Variants in CREB3L2 observed in about 807,000 individuals in gnomAD.
The protein encoded by CREB3L2 is cyclic AMP-responsive element-binding protein 3-like protein 2.
In CREB3L2, 23 loss-of-function variants were observed where a neutral mutation model predicts 57.2. That is an observed-to-expected ratio of 0.40 (90% CI 0.29 to 0.57). The LOEUF is 0.57. Ranked by LOEUF, CREB3L2 falls within the 20% of genes least tolerant of loss-of-function variation. The probability of loss-of-function intolerance (pLI) is 0.42; values close to 1 mark genes in which losing one functional copy is unlikely to be tolerated. For synonymous variants in CREB3L2, 268 were observed against 265.1 expected (o/e 1.01, Z -0.11); for missense variants, 628 against 634.7 (o/e 0.99, Z 0.11).
At chr7:137,916,232 A>C (rs995005640) in intron 2 of CREB3L2, among the ~76,000 whole-genome samples, 1 of 152,126 alleles carries the variant, frequency 6.6e-6, no homozygotes, top group Non-Finnish European at 1.5e-5. Flanking sequence ...GCCTAAAGAA[A>C]CTCTGGAAGG....
intron 1 of CREB3L2, among the ~76,000 whole-genome samples, chr7:137,959,792 C>A (rs1801286769): frequency 6.6e-6 from 1 of 152,174 alleles, no homozygotes; most frequent in Non-Finnish European, 1.5e-5. Context: ...GCATCCTTTG[C>A]CATCCGGCGA....
intron 1 of CREB3L2, among the ~76,000 whole-genome samples, chr7:137,944,194 C>T (rs1563261541): frequency 1.3e-5 from 2 of 152,068 alleles, no homozygotes; most frequent in Non-Finnish European, 2.9e-5. Context: ...AGATTTTTGC[C>T]ACCGGGAGCC....
At chr7:137,986,897 T>A (rs1801801723) in intron 1 of CREB3L2, among the ~76,000 whole-genome samples, 1 of 152,218 alleles carries the variant, frequency 6.6e-6, no homozygotes, top group African/African-American at 2.4e-5. Context: ...CAAGAAAACG[T>A]GTCTGTGAAG....
At chr7:137,986,718 T>G (rs537721121) in intron 1 of CREB3L2, among the ~76,000 whole-genome samples, 1 of 152,290 alleles carries the variant, frequency 6.6e-6, no homozygotes, top group African/African-American at 2.4e-5. Context: ...TTCCTCATGC[T>G]CCATCTACCC....
chr7:137,991,170 T>C (rs982239253), intron 1 of CREB3L2, among the ~76,000 whole-genome samples: 6 of 151,960 alleles, frequency 3.9e-5, no homozygotes, highest in Non-Finnish European at 8.8e-5. Flanking sequence ...AGCTTTTTTT[T>C]TTTTCTTTTT....
At chr7:137,997,161 A>G (rs1242669748) in intron 1 of CREB3L2, among the ~76,000 whole-genome samples, 1 of 152,078 alleles carries the variant, frequency 6.6e-6, no homozygotes, top group Non-Finnish European at 1.5e-5. Context: ...TTTTCCCCCA[A>G]GAACACTTGG....
chr7:137,910,472 T>C (rs889351622), intron 4 of CREB3L2, among the ~76,000 whole-genome samples: 2 of 152,280 alleles, frequency 1.3e-5, no homozygotes, highest in East Asian at 1.9e-4. Flanking sequence ...AGGGAAAATA[T>C]GCAGGTGCTT....
chr7:137,922,384 GTATATATATATATA>G (rs1175503933), intron 2 of CREB3L2, among the ~76,000 whole-genome samples: 4 of 19,580 alleles, frequency 2.0e-4, no homozygotes, highest in Admixed American at 8.0e-4. Context: ...ATATATATAT[GTATATATATATATA>G]TATATATATA....
chr7:137,903,110 G>A (rs1417722137), intron 7 of CREB3L2, among the ~76,000 whole-genome samples: 7 of 152,186 alleles, frequency 4.6e-5, no homozygotes, highest in African/African-American at 1.4e-4. Flanking sequence ...ATCACACCCA[G>A]CCTATTGAAG....
intron 10 of CREB3L2, among the ~76,000 whole-genome samples, chr7:137,884,004 T>C (rs1483479849): frequency 6.6e-6 from 1 of 152,176 alleles, no homozygotes; most frequent in African/African-American, 2.4e-5. Context: ...GGCAGGCTGA[T>C]TCTTTTTGTT....
chr7:137,920,172 AGTGACC>A (rs1800242150), intron 2 of CREB3L2, among the ~76,000 whole-genome samples: 1 of 151,642 alleles, frequency 6.6e-6, no homozygotes, highest in Non-Finnish European at 1.5e-5. Context: ...AGAATTTTGC[AGTGACC>A]TCCCACCTTG....
rs995796774 is a variant in CREB3L2, at chr7:137,878,654, G to A, written c.*1822C>T. The A allele has an allele frequency of 6.4e-5, 15 of 233,958 alleles. No individual in the cohort carries two copies. In the Admixed American group the frequency reaches 6.7e-4, roughly 10 times the overall value. 14.5% of individuals were successfully genotyped at this position (233,958 alleles called of 1,614,324 possible). Reference sequence around the variant, plus strand: ...AGGGCTGCCAGGACTACGGGGGCCCGATCCAGCTTCCACTCACAGTGAGAA... The same window carrying A: ...AGGGCTGCCAGGACTACGGGGGCCCAATCCAGCTTCCACTCACAGTGAGAA... On this transcript the variant is annotated 3_prime_UTR_variant, in exon 12 of 12. Transcript: ENST00000330387.
At chr7:137,928,089 C>A in intron 2 of CREB3L2, 61 bp downstream of exon 2, 2 of 1,281,730 alleles carry the variant, frequency 1.6e-6, no homozygotes, top group Non-Finnish European at 2.2e-6. Flanking sequence ...ACACTCCACA[C>A]CCTCAAGAGC....
chr7:137,979,350 A>G (rs1314690445), intron 1 of CREB3L2, among the ~76,000 whole-genome samples: 1 of 152,176 alleles, frequency 6.6e-6, no homozygotes, highest in Non-Finnish European at 1.5e-5. Flanking sequence ...CTGACCAAAT[A>G]AAGCACAGCA....
chr7:137,910,898 C>T (rs1799991512), intron 4 of CREB3L2, among the ~76,000 whole-genome samples: 1 of 152,224 alleles, frequency 6.6e-6, no homozygotes, highest in Non-Finnish European at 1.5e-5. Context: ...CAACAAGCTA[C>T]TGTGCCTAGA....
chr7:137,878,802 C>T lies in CREB3L2; in HGVS notation c.*1674G>A, dbSNP rs547357347. 2.4e-4 allele frequency: 64 copies of T among 262,908 alleles called. No homozygotes were observed. The highest frequency in any genetic ancestry group is 1.2e-3 in the African/African-American group (53 of 45,552). 16.3% of individuals were successfully genotyped at this position (262,908 alleles called of 1,614,324 possible). ...GCAGGGACCGACTTATGAGGTATGA[C>T]GACAAATGTTAATAACATCAAATCC... On this transcript the variant is annotated 3_prime_UTR_variant, in exon 12 of 12. Coordinates refer to ENST00000330387, the MANE Select transcript of CREB3L2 (RefSeq NM_194071.4).
At chr7:137,912,915 C>T in intron 4 of CREB3L2, 76 bp downstream of exon 4, 1 of 1,588,838 alleles carries the variant, frequency 6.3e-7, no homozygotes. Context: ...CATCCCAGCT[C>T]TCTCGCCATA....
chr7:137,957,925 C>A, intron 1 of CREB3L2: 1 of 433,562 alleles, frequency 2.3e-6, no homozygotes, highest in South Asian at 1.9e-5. Context: ...TGGCTACAAT[C>A]TAGGACCTCC....
chr7:137,998,346 A>T (rs1802024549), intron 1 of CREB3L2, among the ~76,000 whole-genome samples: 1 of 152,238 alleles, frequency 6.6e-6, no homozygotes. Context: ...TGTAGTAACT[A>T]AATCCCTAGT....
Sources: allele counts gnomAD v4.1 joint callset (sites outside exome capture counted in the v4.1 genomes callset), GRCh38; gene constraint gnomAD v4.1.1; transcripts MANE v1.5; gene names NCBI Gene and HGNC (gene_info 2026-07-23, HGNC 2026-07-21).